The following DIP2C variants were observed in gnomAD, a reference collection of about 807,000 sequenced individuals.
DIP2C encodes the protein DIP2 acetate--CoA ligase C (putative).
Under a neutral mutation model 192.4 loss-of-function variants are expected in DIP2C, and 33 were observed. The observed-to-expected ratio is 0.17, with a 90% CI of 0.13 to 0.23. The LOEUF (loss-of-function observed/expected upper bound fraction) is 0.23, where lower values mean the gene tolerates loss of function less well. Among genes scored for constraint, DIP2C ranks in the 10% least tolerant of loss-of-function variants. DIP2C has a pLI of 1.00. For missense variants in DIP2C, 1,537 were observed against 2,110.1 expected (o/e 0.73, Z 5.32); for synonymous variants, 979 against 864.1 (o/e 1.13, Z -2.33).
chr10:625,503 C>CG (rs1455909284), intron 1 of DIP2C, among the ~76,000 whole-genome samples: 12 of 152,274 alleles, frequency 7.9e-5, no homozygotes, highest in Non-Finnish European at 1.2e-4. Context: ...GCAGGCTCCC[C>CG]TACGGGGAGC....
chr10:281,156 A>G, intron 36 of DIP2C, 44 bp downstream of exon 36: 3 of 1,603,628 alleles, frequency 1.9e-6, no homozygotes, highest in Non-Finnish European at 1.7e-6. Context: ...TGCTTCACAA[A>G]CTCTGCTCCT....
chr10:356,331 G>A (rs759297550), intron 24 of DIP2C, 95 bp downstream of exon 24: 5 of 1,373,310 alleles, frequency 3.6e-6, no homozygotes, highest in Admixed American at 1.7e-5. Flanking sequence ...TAAGACTGAA[G>A]CAAAAGGATT....
chr10:309,938 G>A, intron 32 of DIP2C, 93 bp downstream of exon 32: 1 of 1,219,088 alleles, frequency 8.2e-7, no homozygotes, highest in Non-Finnish European at 1.2e-6. Flanking sequence ...TAAACATCGT[G>A]TGCACCTCTT....
chr10:340,918 C>A (rs1346460091), intron 29 of DIP2C: 2 of 521,204 alleles, frequency 3.8e-6, no homozygotes, highest in Admixed American at 4.5e-5. Flanking sequence ...AGAACCAAGC[C>A]TGGAGCCTGG....
intron 1 of DIP2C, among the ~76,000 whole-genome samples, chr10:687,016 T>A (rs1281624816): frequency 1.3e-5 from 2 of 152,272 alleles, no homozygotes; most frequent in African/African-American, 4.8e-5. Context: ...AAATTCCACA[T>A]ATGTTTCTAT....
intron 1 of DIP2C, among the ~76,000 whole-genome samples, chr10:559,632 C>G (rs563362926): frequency 6.6e-6 from 1 of 152,340 alleles, no homozygotes; most frequent in East Asian, 1.9e-4. Flanking sequence ...CCCAAAGGCT[C>G]TGGCCCAGAT....
intron 3 of DIP2C, among the ~76,000 whole-genome samples, chr10:457,308 T>C (rs1447622730): frequency 1.3e-5 from 2 of 152,220 alleles, no homozygotes; most frequent in Non-Finnish European, 2.9e-5. Context: ...GCTTATTTCT[T>C]CAGTTTCCAA....
At chr10:468,587 C>T (rs914991982) in intron 3 of DIP2C, among the ~76,000 whole-genome samples, 2 of 152,130 alleles carry the variant, frequency 1.3e-5, no homozygotes, top group African/African-American at 4.8e-5. Context: ...ATGGAGAAAC[C>T]CTGTTTCTAC....
chr10:593,936 C>G (rs1360929469), intron 1 of DIP2C, among the ~76,000 whole-genome samples: 1 of 152,190 alleles, frequency 6.6e-6, no homozygotes, highest in African/African-American at 2.4e-5. Context: ...AATTTCAGAG[C>G]TCTGTGTAGG....
rs1216509082 is a variant in DIP2C at position 275,468 on chromosome 10, CACT to C, written c.*1854_*1856del. 2.7e-3 allele frequency: 332 copies of C among 122,552 alleles called. 2 individuals are homozygous for C. The highest frequency in any genetic ancestry group is 0.01 in the African/African-American group (314 of 30,822). 7.6% of individuals were successfully genotyped at this position (122,552 alleles called of 1,614,324 possible). The stretch of plus-strand genomic sequence containing the variant: ...TGCAGACACATTTTTTTAAATGTGC[CACT>C]TTTTTTTTTTTTTTTTTTTTAACAA... On this transcript the variant is annotated 3_prime_UTR_variant, in exon 37 of 37. Coordinates refer to ENST00000280886, the MANE Select transcript of DIP2C (RefSeq NM_014974.3).
chr10:431,507 G>C (rs146726878), intron 4 of DIP2C, among the ~76,000 whole-genome samples: 1,581 of 152,150 alleles, frequency 0.01, 19 homozygotes, highest in Non-Finnish European at 0.018. Context: ...GGCTGGTCTC[G>C]AACTCCTGAC....
At chr10:356,035 G>A (rs1050584708) in intron 24 of DIP2C, among the ~76,000 whole-genome samples, 6 of 152,220 alleles carry the variant, frequency 3.9e-5, no homozygotes, top group African/African-American at 7.2e-5. Context: ...AGCGGAGATC[G>A]TGCCACTGAA....
chr10:397,594 G>A (rs1253081681), intron 10 of DIP2C, among the ~76,000 whole-genome samples: 1 of 151,474 alleles, frequency 6.6e-6, no homozygotes, highest in Non-Finnish European at 1.5e-5. Flanking sequence ...GCACATTGCA[G>A]GTTCAGACCT....
chr10:364,248 T>G, intron 20 of DIP2C, 126 bp downstream of exon 20: 1 of 1,147,318 alleles, frequency 8.7e-7, no homozygotes. Flanking sequence ...GTTGCTTCAA[T>G]AACATGGAAG....
intron 9 of DIP2C, among the ~76,000 whole-genome samples, chr10:405,245 C>G (rs1964717564): frequency 6.6e-6 from 1 of 152,242 alleles, no homozygotes; most frequent in Non-Finnish European, 1.5e-5. Context: ...TGTCTGCCTC[C>G]TCTCCCAGCT....
chr10:334,854 G>C (rs1266451777), intron 29 of DIP2C, among the ~76,000 whole-genome samples: 1 of 152,114 alleles, frequency 6.6e-6, no homozygotes, highest in Non-Finnish European at 1.5e-5. Flanking sequence ...TTGAAATCAG[G>C]AATGAGAAGT....
intron 1 of DIP2C, among the ~76,000 whole-genome samples, chr10:574,771 C>A (rs1189321691): frequency 6.6e-6 from 1 of 152,202 alleles, no homozygotes; most frequent in African/African-American, 2.4e-5. Flanking sequence ...CTGCCACTAT[C>A]TTCAATGTGC....
At chr10:365,075 C>CT (rs1960030462) in intron 19 of DIP2C, 1 of 502,656 alleles carries the variant, frequency 2.0e-6, no homozygotes, top group South Asian at 1.5e-5. Flanking sequence ...CTCTAACCCT[C>CT]TTTTTTCCTC....
intron 17 of DIP2C, among the ~76,000 whole-genome samples, chr10:379,688 C>T (rs1458128356): frequency 3.9e-5 from 6 of 152,252 alleles, no homozygotes; most frequent in Non-Finnish European, 8.8e-5. Context: ...AAATAGTAAG[C>T]AAATGCATCT....
Sources: allele counts gnomAD v4.1 joint callset (sites outside exome capture counted in the v4.1 genomes callset), GRCh38; gene constraint gnomAD v4.1.1; transcripts MANE v1.5; gene names NCBI Gene and HGNC (gene_info 2026-07-23, HGNC 2026-07-21).